LRRC4C: variants seen among roughly 807,000 people sequenced by gnomAD.
LRRC4C encodes the protein leucine-rich repeat-containing protein 4C.
A neutral mutation model predicts 33.6 loss-of-function variants in LRRC4C; 5 were observed. The ratio of observed to expected loss-of-function variants is 0.15; its 90% CI spans 0.08 to 0.31. The LOEUF is 0.31. Among genes scored for constraint, LRRC4C ranks in the 10% least tolerant of loss-of-function variants. The pLI, the probability that LRRC4C is intolerant of heterozygous loss-of-function variation, is 1.00. For synonymous variants in LRRC4C, 329 were observed against 302.0 expected (o/e 1.09, Z -0.93); for missense variants, 560 against 796.7 (o/e 0.70, Z 3.58).
At chr11:41,357,790 G>A (rs1952214590) in intron 1 of LRRC4C, among the ~76,000 whole-genome samples, 1 of 152,196 alleles carries the variant, frequency 6.6e-6, no homozygotes, top group Non-Finnish European at 1.5e-5. Flanking sequence ...TTTTTATAAA[G>A]AGAGAGAATG....
chr11:40,550,545 T>C (rs1046075018), intron 3 of LRRC4C, among the ~76,000 whole-genome samples: 3 of 152,194 alleles, frequency 2.0e-5, no homozygotes, highest in African/African-American at 7.2e-5. Context: ...TATTTGCATA[T>C]GTGGAAAAGC....
chr11:40,937,590 TGA>T (rs1255337409), intron 1 of LRRC4C, among the ~76,000 whole-genome samples: 3 of 148,226 alleles, frequency 2.0e-5, no homozygotes, highest in African/African-American at 7.6e-5. Flanking sequence ...TCACTCTTCT[TGA>T]GTGTGTGTAT....
At chr11:40,711,824 A>C (rs1403563679) in intron 2 of LRRC4C, among the ~76,000 whole-genome samples, 2 of 152,140 alleles carry the variant, frequency 1.3e-5, no homozygotes, top group Non-Finnish European at 2.9e-5. Flanking sequence ...TTTTTAATTT[A>C]TAAGTTGGAA....
intron 3 of LRRC4C, among the ~76,000 whole-genome samples, chr11:40,383,890 G>T (rs1948995595): frequency 6.8e-6 from 1 of 147,144 alleles, no homozygotes; most frequent in Non-Finnish European, 1.5e-5. Context: ...TCTCCATGTT[G>T]CCCAGGCTCC....
intron 4 of LRRC4C, among the ~76,000 whole-genome samples, chr11:40,289,902 T>C (rs1837712329): frequency 6.6e-6 from 1 of 152,172 alleles, no homozygotes; most frequent in South Asian, 2.1e-4. Flanking sequence ...CTTCACTTCT[T>C]TCCCTTTCTC....
At chr11:40,184,107 G>A (rs918192418) in intron 5 of LRRC4C, among the ~76,000 whole-genome samples, 9 of 152,146 alleles carry the variant, frequency 5.9e-5, no homozygotes, top group Non-Finnish European at 1.0e-4. Context: ...TTTGAGTGAC[G>A]GTACATCTCA....
intron 5 of LRRC4C, among the ~76,000 whole-genome samples, chr11:40,229,448 T>G (rs1865044087): frequency 6.6e-6 from 1 of 152,014 alleles, no homozygotes; most frequent in South Asian, 2.1e-4. Flanking sequence ...AATTTTTGTA[T>G]TTTTAGTAGA....
chr11:40,737,486 A>G lies in LRRC4C; in HGVS notation c.-406-89208T>C, dbSNP rs191048245. On this transcript the variant is annotated intron_variant, in intron 2 of 6. Coordinates refer to ENST00000528697, the MANE Select transcript of LRRC4C (RefSeq NM_001258419.2). ...TAGAAAACTCCATCGTCTCAGCCCA[A>G]AATCTCCTTAAGCTGATAAGCAACT... 8.6e-4 allele frequency among the ~76,000 whole-genome samples: 131 copies of G among 152,296 alleles called. No homozygotes were observed. In the Middle Eastern group the frequency reaches 0.01, roughly 12 times the overall value.
chr11:40,249,769 C>T (rs1230084048), intron 4 of LRRC4C, among the ~76,000 whole-genome samples: 1 of 151,378 alleles, frequency 6.6e-6, no homozygotes, highest in Non-Finnish European at 1.5e-5. Flanking sequence ...CTTTTTTTTC[C>T]TTCAAAGATC....
At chr11:41,352,423 G>C (rs1296439444) in intron 1 of LRRC4C, among the ~76,000 whole-genome samples, 1 of 152,118 alleles carries the variant, frequency 6.6e-6, no homozygotes, top group Non-Finnish European at 1.5e-5. Context: ...AACAGTGGGA[G>C]ACTTCAACAC....
At chr11:40,320,649 A>T (rs940951242) in intron 3 of LRRC4C, among the ~76,000 whole-genome samples, 3 of 152,116 alleles carry the variant, frequency 2.0e-5, no homozygotes, top group South Asian at 4.1e-4. Flanking sequence ...CCCTGTCATA[A>T]TTAGCCAGAC....
At chr11:41,297,626 A>G (rs1950178917) in intron 1 of LRRC4C, among the ~76,000 whole-genome samples, 1 of 152,184 alleles carries the variant, frequency 6.6e-6, no homozygotes, top group Admixed American at 6.5e-5. Context: ...GCAGTATATT[A>G]ACCACATTTC....
chr11:40,412,465 T>C (rs1950188285), intron 3 of LRRC4C, among the ~76,000 whole-genome samples: 1 of 152,096 alleles, frequency 6.6e-6, no homozygotes, highest in African/African-American at 2.4e-5. Context: ...TTTTTAAATC[T>C]TCTTTCCTTC....
intron 2 of LRRC4C, among the ~76,000 whole-genome samples, chr11:40,786,907 G>A (rs1950434425): frequency 3.3e-5 from 5 of 150,972 alleles, no homozygotes. Context: ...AGTTTAAACT[G>A]GCGCACTCAC....
chr11:41,380,624 G>A (rs1157899949), intron 1 of LRRC4C, among the ~76,000 whole-genome samples: 1 of 152,094 alleles, frequency 6.6e-6, no homozygotes, highest in Non-Finnish European at 1.5e-5. Context: ...GTATGGATAA[G>A]CTGGTAGAAA....
chr11:40,508,692 G>C (rs1471000411), intron 3 of LRRC4C, among the ~76,000 whole-genome samples: 1 of 152,096 alleles, frequency 6.6e-6, no homozygotes, highest in Non-Finnish European at 1.5e-5. Flanking sequence ...AATACTTTTA[G>C]AATGAATTGT....
chr11:40,645,381 C>T (rs1260202495), intron 3 of LRRC4C, among the ~76,000 whole-genome samples: 3 of 152,118 alleles, frequency 2.0e-5, no homozygotes, highest in Non-Finnish European at 4.4e-5. Flanking sequence ...CAAGTCCACC[C>T]TCCTCTTGCT....
At chr11:40,258,810 A>G (rs1435285602) in intron 4 of LRRC4C, among the ~76,000 whole-genome samples, 1 of 152,198 alleles carries the variant, frequency 6.6e-6, no homozygotes, top group African/African-American at 2.4e-5. Context: ...GAAAGCAGAA[A>G]TACAGTTCAC....
intron 1 of LRRC4C, among the ~76,000 whole-genome samples, chr11:41,222,173 C>A (rs1947337045): frequency 6.6e-6 from 1 of 152,176 alleles, no homozygotes; most frequent in Non-Finnish European, 1.5e-5. Context: ...TACGATTCTA[C>A]TTGAAATGTA....
Sources: gnomAD v4.1 joint callset for allele counts (sites outside exome capture counted in the v4.1 genomes callset) on GRCh38, gnomAD v4.1.1 for gene constraint, MANE v1.5 for transcripts, NCBI Gene and HGNC (gene_info 2026-07-23, HGNC 2026-07-21) for gene names.